The following FHIT variants were observed in gnomAD, a reference collection of about 807,000 sequenced individuals.
The protein encoded by FHIT is fragile histidine triad diadenosine triphosphatase.
In FHIT, 19 loss-of-function variants were observed where a neutral mutation model predicts 17.9. The ratio of observed to expected loss-of-function variants is 1.06; its 90% CI spans 0.74 to 1.56. The LOEUF (loss-of-function observed/expected upper bound fraction) is 1.56. FHIT is among the 40% of genes most tolerant of loss of function. FHIT has a pLI of 0.00. For synonymous variants in FHIT, 81 were observed against 69.7 expected (o/e 1.16, Z -0.81); for missense variants, 248 against 189.2 (o/e 1.31, Z -1.82).
intron 8 of FHIT, among the ~76,000 whole-genome samples, chr3:59,792,549 G>A (rs1464447862): frequency 3.3e-5 from 5 of 152,024 alleles, no homozygotes; most frequent in African/African-American, 4.8e-5. Flanking sequence ...AACAGACAAC[G>A]TCTATGAGCC....
At chr3:60,481,524 C>T (rs1211991682) in intron 5 of FHIT, among the ~76,000 whole-genome samples, 8 of 152,188 alleles carry the variant, frequency 5.3e-5, no homozygotes, top group Admixed American at 5.2e-4. Context: ...CAATATTCAG[C>T]ATTCTTAAAG....
intron 5 of FHIT, among the ~76,000 whole-genome samples, chr3:60,186,606 C>A (rs1428190142): frequency 6.6e-6 from 1 of 152,112 alleles, no homozygotes; most frequent in African/African-American, 2.4e-5. Flanking sequence ...GGGCTGCGTA[C>A]AGAACACCCT....
At chr3:60,646,632 G>A (rs957390970) in intron 4 of FHIT, among the ~76,000 whole-genome samples, 3 of 152,062 alleles carry the variant, frequency 2.0e-5, no homozygotes, top group Non-Finnish European at 2.9e-5. Context: ...TCTTTTGTGG[G>A]GGAAACAATT....
chr3:59,902,570 C>T (rs895770013), intron 8 of FHIT, among the ~76,000 whole-genome samples: 8 of 151,458 alleles, frequency 5.3e-5, no homozygotes, highest in African/African-American at 1.7e-4. Flanking sequence ...TAAATACAGA[C>T]ATGCGATGTA....
intron 5 of FHIT, among the ~76,000 whole-genome samples, chr3:60,340,819 T>C (rs1211620299): frequency 6.6e-6 from 1 of 152,064 alleles, no homozygotes; most frequent in African/African-American, 2.4e-5. Context: ...GTGATTCTCT[T>C]GCCTCAGCCT....
intron 3 of FHIT, among the ~76,000 whole-genome samples, chr3:60,917,758 A>G (rs1306616399): frequency 9.2e-5 from 14 of 152,200 alleles, no homozygotes; most frequent in African/African-American, 3.1e-4. Context: ...ATGCATGCAG[A>G]TTTACTTTCC....
At chr3:59,911,001 C>A (rs1447089386) in intron 8 of FHIT, among the ~76,000 whole-genome samples, 2 of 152,172 alleles carry the variant, frequency 1.3e-5, no homozygotes, top group African/African-American at 4.8e-5. Flanking sequence ...TAGAATCTAA[C>A]AACAGGTATA....
intron 6 of FHIT, among the ~76,000 whole-genome samples, chr3:60,011,799 C>G (rs531561640): frequency 6.6e-6 from 1 of 152,296 alleles, no homozygotes; most frequent in East Asian, 1.9e-4. Context: ...CTGCTATAAA[C>G]ATAAGCCATT....
chr3:60,442,932 A>C (rs1023336329), intron 5 of FHIT, among the ~76,000 whole-genome samples: 2 of 151,974 alleles, frequency 1.3e-5, no homozygotes, highest in Non-Finnish European at 2.9e-5. Flanking sequence ...ATTTGTTTGT[A>C]TCCTCTTTTA....
intron 8 of FHIT, among the ~76,000 whole-genome samples, chr3:59,917,096 T>C (rs1705169314): frequency 6.6e-6 from 1 of 152,228 alleles, no homozygotes; most frequent in South Asian, 2.1e-4. Context: ...AGCAATATAA[T>C]GGTTCTCTCC....
intron 3 of FHIT, among the ~76,000 whole-genome samples, chr3:60,870,996 C>A (rs1333336806): frequency 6.6e-6 from 1 of 152,060 alleles, no homozygotes; most frequent in Non-Finnish European, 1.5e-5. Flanking sequence ...TGTTACCTTA[C>A]TCTTAATTAA....
rs542455052 is a variant in FHIT at position 60,356,356 on chromosome 3, A to G, written c.103+180504T>C. ...AAGGCTCCTGAGCACAACAAAACCA[A>G]CAATGAGGAAGAGCATGATCGCATA... On this transcript the variant is annotated intron_variant, in intron 5 of 9. Coordinates refer to ENST00000492590, the MANE Select transcript of FHIT (RefSeq NM_002012.4). Among the ~76,000 whole-genome samples the G allele has an allele frequency of 5.3e-4, 81 of 152,332 alleles. 1 individual carries two copies. Among genetic ancestry groups the G allele is most frequent in the African/African-American group, 1.8e-3 (75 of 41,596 alleles).
At chr3:60,494,303 A>G (rs928322247) in intron 5 of FHIT, among the ~76,000 whole-genome samples, 2 of 152,176 alleles carry the variant, frequency 1.3e-5, no homozygotes, top group Non-Finnish European at 2.9e-5. Flanking sequence ...GTATCACATA[A>G]TATGCGACTT....
At chr3:60,260,519 T>C (rs1267322020) in intron 5 of FHIT, among the ~76,000 whole-genome samples, 1 of 152,046 alleles carries the variant, frequency 6.6e-6, no homozygotes, top group African/African-American at 2.4e-5. Context: ...AAAAAGTGAT[T>C]GTTGGGGCTT....
intron 5 of FHIT, among the ~76,000 whole-genome samples, chr3:60,037,648 C>T: frequency 6.6e-6 from 1 of 151,604 alleles, no homozygotes; most frequent in Non-Finnish European, 1.5e-5. Context: ...TCTCAAAGTG[C>T]TGGGATTACA....
chr3:60,886,202 C>T (rs1426424098), intron 3 of FHIT, among the ~76,000 whole-genome samples: 2 of 152,118 alleles, frequency 1.3e-5, no homozygotes, highest in African/African-American at 4.8e-5. Flanking sequence ...GGGGTTAATA[C>T]CATGAATGGC....
intron 7 of FHIT, among the ~76,000 whole-genome samples, chr3:59,930,207 C>A (rs73104516): frequency 0.09 from 13,732 of 152,118 alleles, 780 homozygotes; most frequent in Admixed American, 0.13. Flanking sequence ...CTGCCTTCTC[C>A]CACCTGGAGA....
At chr3:61,073,267 A>G (rs1022292531) in intron 2 of FHIT, among the ~76,000 whole-genome samples, 5 of 152,196 alleles carry the variant, frequency 3.3e-5, no homozygotes, top group African/African-American at 1.2e-4. Flanking sequence ...GGACTACCTT[A>G]ACTGTGAGTC....
intron 3 of FHIT, among the ~76,000 whole-genome samples, chr3:60,982,859 A>T (rs1710554833): frequency 6.6e-6 from 1 of 152,172 alleles, no homozygotes; most frequent in Non-Finnish European, 1.5e-5. Flanking sequence ...ATCACTATTT[A>T]AATTTTTACA....
Sources: allele counts gnomAD v4.1 joint callset (sites outside exome capture counted in the v4.1 genomes callset), GRCh38; gene constraint gnomAD v4.1.1; transcripts MANE v1.5; gene names NCBI Gene and HGNC (gene_info 2026-07-23, HGNC 2026-07-21).